Variants in TSPAN9 observed in about 807,000 individuals in gnomAD.
TSPAN9 encodes tetraspanin 9.
Under a neutral mutation model 31.0 loss-of-function variants are expected in TSPAN9, and 16 were observed. The ratio of observed to expected loss-of-function variants is 0.52; its 90% CI spans 0.35 to 0.78. The LOEUF is 0.78. Among genes scored for constraint, TSPAN9 ranks in the 30% least tolerant of loss-of-function variants. The probability of loss-of-function intolerance (pLI) is 0.01; values close to 1 mark genes in which losing one functional copy is unlikely to be tolerated. For missense variants in TSPAN9, 272 were observed against 312.5 expected (o/e 0.87, Z 0.98); for synonymous variants, 145 against 121.6 (o/e 1.19, Z -1.27).
rs139218408 is a variant in TSPAN9 at position 3,143,973 on chromosome 12, T to C, written c.-17-57204T>C. On this transcript the variant is annotated intron_variant, in intron 2 of 8. Coordinates refer to ENST00000011898, the MANE Select transcript of TSPAN9 (RefSeq NM_006675.5). The surrounding 1 kb of genome is among the most constrained non-coding windows in gnomAD (Gnocchi z 4.2). ...ATTGCTTCTAGGTCCTCTCAGAGAA[T>C]AGAACTAAGAAATAGATATATGTCA... Among the ~76,000 whole-genome samples the C allele has an allele frequency of 1.8e-4, 27 of 152,322 alleles. No individual in the cohort carries two copies. Among genetic ancestry groups the C allele is most frequent in the Non-Finnish European group, 2.5e-4 (17 of 68,014 alleles).
At chr12:3,275,212 G>T (rs1862759951) in intron 3 of TSPAN9, among the ~76,000 whole-genome samples, 1 of 152,198 alleles carries the variant, frequency 6.6e-6, no homozygotes, top group Admixed American at 6.5e-5. Context: ...TCCCAGGAGG[G>T]AAGTGGAGAG....
intron 2 of TSPAN9, among the ~76,000 whole-genome samples, chr12:3,092,919 C>A (rs12316097): frequency 0.056 from 8,537 of 152,258 alleles, 807 homozygotes; most frequent in African/African-American, 0.19. Context: ...GCCTCCCTGC[C>A]ACCACGCCCA....
intron 3 of TSPAN9, among the ~76,000 whole-genome samples, chr12:3,227,186 T>TA (rs2098388300): frequency 3.3e-5 from 5 of 152,002 alleles, no homozygotes; most frequent in South Asian, 4.2e-4. Context: ...TGTTTAGTGG[T>TA]AAAAAATTAA....
At chr12:3,106,522 C>T (rs55941129) in intron 2 of TSPAN9, among the ~76,000 whole-genome samples, 5,864 of 152,200 alleles carry the variant, frequency 0.039, 394 homozygotes, top group African/African-American at 0.13. Context: ...GTAATCCCAG[C>T]GCTTGGGGAG....
chr12:3,209,040 G>T (rs747400324), intron 3 of TSPAN9, among the ~76,000 whole-genome samples: 6 of 152,030 alleles, frequency 3.9e-5, no homozygotes, highest in South Asian at 2.1e-4. Context: ...TCCGAGACCA[G>T]CCTGGCCAAC....
In TSPAN9 at chr12:3,107,026, C is replaced by T. The variant is rs762122916; in HGVS notation, c.-18+23307C>T. ...TCCCTCCTGGCTGCTCAGATCCCAGCGGGTTTCCAGCCACAGAAGCAAAGC... is the reference window on the plus strand; with the variant it reads ...TCCCTCCTGGCTGCTCAGATCCCAGTGGGTTTCCAGCCACAGAAGCAAAGC... On this transcript the variant is annotated intron_variant, in intron 2 of 8. Coordinates refer to ENST00000011898, the MANE Select transcript of TSPAN9 (RefSeq NM_006675.5). The surrounding 1 kb of genome is among the most constrained non-coding windows in gnomAD (Gnocchi z 4.1). Among the ~76,000 whole-genome samples, 9 of 152,150 alleles carry T rather than the reference C, an allele frequency of 5.9e-5. No homozygotes were observed. Among genetic ancestry groups the T allele is most frequent in the African/African-American group, 4.8e-5 (2 of 41,422 alleles).
chr12:3,158,721 CAAAA>C (rs765787475), intron 2 of TSPAN9, among the ~76,000 whole-genome samples: 11 of 57,898 alleles, frequency 1.9e-4, no homozygotes, highest in Non-Finnish European at 2.3e-4. Context: ...GACTCTGTCT[CAAAA>C]AAAAAAAAAA....
intron 2 of TSPAN9, among the ~76,000 whole-genome samples, chr12:3,166,899 T>C (rs11837854): frequency 0.045 from 6,883 of 152,192 alleles, 518 homozygotes; most frequent in African/African-American, 0.16. Flanking sequence ...CAGGTTCAAG[T>C]GATTCTCCTG....
chr12:3,086,207 G>C lies in TSPAN9; in HGVS notation c.-18+2488G>C, dbSNP rs149346485. On this transcript the variant is annotated intron_variant, in intron 2 of 8. Coordinates refer to ENST00000011898, the MANE Select transcript of TSPAN9 (RefSeq NM_006675.5). ...AACCAAAAGTGTAACCAGAATTTTA[G>C]CCTGAACCAGGAGGGTGCTCTTCAG... 4.5e-3 allele frequency among the ~76,000 whole-genome samples: 680 copies of C among 152,304 alleles called. 3 individuals are homozygous for C. The highest frequency in any genetic ancestry group is 0.016 in the African/African-American group (658 of 41,564).
intron 3 of TSPAN9, among the ~76,000 whole-genome samples, chr12:3,218,890 C>A (rs1269771740): frequency 6.6e-6 from 1 of 152,170 alleles, no homozygotes; most frequent in Non-Finnish European, 1.5e-5. Context: ...GCAATCCATC[C>A]TCTGGAATAT....
Position 3,174,773 on chromosome 12 carries a change from G to A in TSPAN9, c.-17-26404G>A, listed in dbSNP as rs572304243. ...AATTTTTTGTATTTTTAGTAGAGACGGGGTTTCACCGTGTTAGCCAGGATG... is the reference window on the plus strand; with the variant it reads ...AATTTTTTGTATTTTTAGTAGAGACAGGGTTTCACCGTGTTAGCCAGGATG... On this transcript the variant is annotated intron_variant, in intron 2 of 8. Transcript: ENST00000011898. 3.0e-3 allele frequency among the ~76,000 whole-genome samples: 196 copies of A among 64,948 alleles called. 4 individuals are homozygous for A. Among genetic ancestry groups the A allele is most frequent in the African/African-American group, 5.5e-3 (175 of 31,870 alleles). 42.6% of individuals were successfully genotyped at this position (64,948 alleles called of 152,430 possible). A position where few individuals can be genotyped will look rare whatever the true frequency, so the allele number is the denominator to read the frequency against.
intron 2 of TSPAN9, among the ~76,000 whole-genome samples, chr12:3,146,991 A>T (rs1219221544): frequency 6.6e-5 from 10 of 151,976 alleles, no homozygotes; most frequent in African/African-American, 2.4e-4. Context: ...GTTTAACCAC[A>T]CTCACCTTTC....
intron 3 of TSPAN9, among the ~76,000 whole-genome samples, chr12:3,230,050 C>A (rs1039109940): frequency 2.6e-5 from 4 of 151,820 alleles, no homozygotes; most frequent in African/African-American, 9.7e-5. Flanking sequence ...TGTTTATTCC[C>A]CCTTCCTTTC....
intron 3 of TSPAN9, among the ~76,000 whole-genome samples, chr12:3,268,097 C>T (rs1426553971): frequency 6.6e-6 from 1 of 152,230 alleles, no homozygotes; most frequent in Non-Finnish European, 1.5e-5. Context: ...GGTTTGTCAG[C>T]CTCCCTCTTG....
At chr12:3,223,922 G>C (rs2098385849) in intron 3 of TSPAN9, among the ~76,000 whole-genome samples, 1 of 152,144 alleles carries the variant, frequency 6.6e-6, no homozygotes, top group Non-Finnish European at 1.5e-5. Flanking sequence ...TCCATCTCCT[G>C]AAATTCTGTG....
At chr12:3,089,062 C>T (rs1176165724) in intron 2 of TSPAN9, among the ~76,000 whole-genome samples, 1 of 151,654 alleles carries the variant, frequency 6.6e-6, no homozygotes, top group Non-Finnish European at 1.5e-5. Flanking sequence ...GAAACCCCAT[C>T]TGTACTAAAA....
At chr12:3,218,692 T>C (rs559192907) in intron 3 of TSPAN9, among the ~76,000 whole-genome samples, 5 of 152,336 alleles carry the variant, frequency 3.3e-5, no homozygotes, top group African/African-American at 9.6e-5. Context: ...ACTCTAGCAC[T>C]GGGGGCTGAG....
intron 2 of TSPAN9, among the ~76,000 whole-genome samples, chr12:3,174,304 C>T (rs955675817): frequency 1.3e-5 from 2 of 152,172 alleles, no homozygotes; most frequent in African/African-American, 2.4e-5. Flanking sequence ...TGGCCTCAAG[C>T]GATCCTCCCA....
intron 2 of TSPAN9, among the ~76,000 whole-genome samples, chr12:3,181,769 C>T (rs1565604957): frequency 1.3e-5 from 2 of 152,208 alleles, no homozygotes; most frequent in South Asian, 2.1e-4. Context: ...CTGCCCTGCA[C>T]TGCCTCTTAC....
Sources: allele counts gnomAD v4.1 joint callset (sites outside exome capture counted in the v4.1 genomes callset), GRCh38; gene constraint gnomAD v4.1.1; non-coding constraint Gnocchi (gnomAD v3.1); transcripts MANE v1.5; gene names NCBI Gene and HGNC (gene_info 2026-07-23, HGNC 2026-07-21).